CLASP2: variants seen among roughly 807,000 people sequenced by gnomAD.
CLASP2 encodes the protein cytoplasmic linker associated protein 2.
CLASP2 carries 47 observed loss-of-function variants against 194.4 expected under a neutral mutation model. The observed-to-expected ratio is 0.24, with a 90% CI of 0.19 to 0.31. The LOEUF (loss-of-function observed/expected upper bound fraction) is 0.31. Ranked by LOEUF, CLASP2 falls within the 10% of genes least tolerant of loss-of-function variation. CLASP2 has a pLI of 1.00. For synonymous variants in CLASP2, 619 were observed against 633.5 expected (o/e 0.98, Z 0.34); for missense variants, 1,445 against 1,823.6 (o/e 0.79, Z 3.78).
chr3:33,619,645 G>A lies in CLASP2; in HGVS notation c.1275C>T (p.Val425=), dbSNP rs2076801877. 1 of 1,554,586 alleles carries A rather than the reference G, an allele frequency of 6.4e-7. No individual in the cohort carries two copies. Among genetic ancestry groups the A allele is most frequent in the Non-Finnish European group, 8.7e-7 (1 of 1,148,634 alleles). ...TTGCTGCACATCCAGAAGTTGCCAT[G>A]ACTTTTGCACTATTGGGGACGAGAT... ...LFNLVPNSAK[V]MATSGCAAIR... Residue 425 remains valine (V), a synonymous_variant, in exon 12 of 39, where the codon GTC becomes GTT. Coordinates refer to ENST00000682230, the MANE Select transcript of CLASP2 (RefSeq NM_001365631.1).
At position 33,504,324 on chromosome 3, in the gene CLASP2, A is replaced by T. The variant is rs191199485; in HGVS notation, c.4318-2556T>A. 2.2e-4 allele frequency: 33 copies of T among 152,282 alleles called. 1 individual carries two copies. The East Asian group carries it at 6.0e-3, about 28-fold the overall frequency. The allele number at this position is 152,282 out of a possible 1,614,324, so 9.4% of individuals were successfully genotyped here. On this transcript the variant is annotated intron_variant, in intron 37 of 38. Transcript: ENST00000682230. ...CTTCTATGAGTTTTGTAGTTTTAGT[A>T]GCTATATTTAGATCACTGATTTGTT...
At chr3:33,538,723 T>C (rs2057832500) in intron 33 of CLASP2, 66 bp downstream of exon 33, 4 of 1,312,618 alleles carry the variant, frequency 3.0e-6, no homozygotes, top group East Asian at 2.7e-5. Context: ...GAAAGCAAAA[T>C]GTAATTTAAA....
chr3:33,696,023 A>G (rs2154350780), intron 2 of CLASP2, among the ~76,000 whole-genome samples: 1 of 152,292 alleles, frequency 6.6e-6, no homozygotes, highest in African/African-American at 2.4e-5. Flanking sequence ...GTGCTATTCA[A>G]AGTATGATCT....
At chr3:33,563,685 C>T (rs533347698) in intron 27 of CLASP2, among the ~76,000 whole-genome samples, 5 of 152,272 alleles carry the variant, frequency 3.3e-5, no homozygotes, top group East Asian at 3.9e-4. Context: ...TTCACAAAAA[C>T]AGGCAGCAGG....
At chr3:33,559,670 G>A (rs1415729638) in intron 28 of CLASP2, among the ~76,000 whole-genome samples, 7 of 152,114 alleles carry the variant, frequency 4.6e-5, no homozygotes, top group African/African-American at 2.4e-5. Flanking sequence ...TGAGGCGGGC[G>A]GATCACCCGA....
intron 30 of CLASP2, among the ~76,000 whole-genome samples, chr3:33,547,145 C>G (rs1161533760): frequency 6.6e-6 from 1 of 152,210 alleles, no homozygotes; most frequent in East Asian, 1.9e-4. Flanking sequence ...TGTCCCCACA[C>G]AAATCTCATC....
chr3:33,537,942 C>G (rs1274575777), intron 33 of CLASP2, among the ~76,000 whole-genome samples: 2 of 152,106 alleles, frequency 1.3e-5, no homozygotes, highest in Admixed American at 6.5e-5. Flanking sequence ...GAGATCGAGA[C>G]CATCCTGGCT....
chr3:33,564,941 T>C (rs376382934), intron 27 of CLASP2, among the ~76,000 whole-genome samples: 3 of 152,076 alleles, frequency 2.0e-5, no homozygotes, highest in East Asian at 3.9e-4. Flanking sequence ...ACTTAGTAAA[T>C]GATCATATGC....
At chr3:33,602,212 C>T (rs1028200518) in intron 18 of CLASP2, among the ~76,000 whole-genome samples, 2 of 152,046 alleles carry the variant, frequency 1.3e-5, no homozygotes, top group Admixed American at 6.6e-5. Context: ...TAGGGTTTTG[C>T]CACTTTGGCC....
chr3:33,605,534 G>A (rs2154258828), intron 16 of CLASP2, among the ~76,000 whole-genome samples: 1 of 152,260 alleles, frequency 6.6e-6, no homozygotes, highest in East Asian at 1.9e-4. Context: ...TGCCTCACTT[G>A]CCTCACCCTG....
chr3:33,667,405 T>TAAAAAAAAAAAA (rs2086374074), intron 6 of CLASP2, among the ~76,000 whole-genome samples: 1 of 37,542 alleles, frequency 2.7e-5, no homozygotes, highest in Non-Finnish European at 3.9e-5. Flanking sequence ...TGAGACTATC[T>TAAAAAAAAAAAA]CAAAAAAAAA....
chr3:33,648,089 T>C (rs2082580897), intron 7 of CLASP2, among the ~76,000 whole-genome samples: 1 of 150,320 alleles, frequency 6.7e-6, no homozygotes, highest in South Asian at 2.1e-4. Context: ...ATTTAAAATA[T>C]CTGATTAACT....
At chr3:33,686,917 TG>T (rs1389833682) in intron 5 of CLASP2, 142 bp downstream of exon 5, 3 of 555,934 alleles carry the variant, frequency 5.4e-6, no homozygotes, top group Non-Finnish European at 3.2e-6. Flanking sequence ...CTAACTTTGA[TG>T]GATTTTTTTT....
intron 30 of CLASP2, among the ~76,000 whole-genome samples, chr3:33,548,547 T>C (rs1375270675): frequency 6.6e-6 from 1 of 152,138 alleles, no homozygotes; most frequent in African/African-American, 2.4e-5. Context: ...TCCACCCGCC[T>C]GTTTCCCAAA....
At chr3:33,540,938 A>G (rs1295588047) in intron 32 of CLASP2, among the ~76,000 whole-genome samples, 2 of 152,024 alleles carry the variant, frequency 1.3e-5, no homozygotes, top group African/African-American at 2.4e-5. Context: ...ACACTCGGCT[A>G]ATTTTTGTAC....
At chr3:33,650,044 A>G (rs1230774466) in intron 7 of CLASP2, among the ~76,000 whole-genome samples, 3 of 152,256 alleles carry the variant, frequency 2.0e-5, no homozygotes, top group Admixed American at 6.5e-5. Flanking sequence ...ACAGTATAAA[A>G]AGAAACAGAC....
chr3:33,551,189 G>A (rs963758484), intron 30 of CLASP2, 63 bp downstream of exon 30: 11 of 1,401,168 alleles, frequency 7.9e-6, no homozygotes, highest in Middle Eastern at 1.9e-4. Context: ...TTCCTTCACT[G>A]GCAATCCATA....
At chr3:33,543,605 G>C (rs982465519) in intron 31 of CLASP2, 66 bp from the exon 32 acceptor site, 3 of 931,216 alleles carry the variant, frequency 3.2e-6, no homozygotes, top group African/African-American at 3.3e-5. Flanking sequence ...AACTCTTAAG[G>C]AAGCCACACA....
chr3:33,694,451 A>G (rs1345451677), intron 2 of CLASP2, among the ~76,000 whole-genome samples: 2 of 152,210 alleles, frequency 1.3e-5, no homozygotes, highest in Non-Finnish European at 2.9e-5. Flanking sequence ...CTCTGTAGCA[A>G]TTAATAACAG....
Sources: gnomAD v4.1 joint callset for allele counts (sites outside exome capture counted in the v4.1 genomes callset) on GRCh38, gnomAD v4.1.1 for gene constraint, MANE v1.5 for transcripts, NCBI Gene and HGNC (gene_info 2026-07-23, HGNC 2026-07-21) for gene names.